The following CYP39A1 variants were observed in gnomAD, a reference collection of about 807,000 sequenced individuals.
CYP39A1 encodes the protein 24-hydroxycholesterol 7-alpha-hydroxylase.
In CYP39A1, 49 loss-of-function variants were observed where a neutral mutation model predicts 58.1. The observed-to-expected ratio is 0.84, with a 90% CI of 0.67 to 1.07. The LOEUF is 1.07. Among genes scored for constraint, CYP39A1 ranks in the 50% least tolerant of loss-of-function variants. The pLI is 0.00. For synonymous variants in CYP39A1, 209 were observed against 187.6 expected (o/e 1.11, Z -0.93); for missense variants, 531 against 539.4 (o/e 0.98, Z 0.16).
chr6:46,650,133 C>CACACACAT (rs1233753722), intron 1 of CYP39A1, among the ~76,000 whole-genome samples: 1 of 151,924 alleles, frequency 6.6e-6, no homozygotes, highest in Non-Finnish European at 1.5e-5. Flanking sequence ...CACACACACA[C>CACACACAT]ACACACATAC....
intron 1 of CYP39A1, among the ~76,000 whole-genome samples, chr6:46,648,145 A>T (rs1309957039): frequency 4.6e-5 from 7 of 152,148 alleles, no homozygotes; most frequent in Admixed American, 4.6e-4. Context: ...CATTTGACCC[A>T]GCCATCCCAT....
At chr6:46,578,483 GA>G (rs1239878590) in intron 10 of CYP39A1, among the ~76,000 whole-genome samples, 1 of 151,320 alleles carries the variant, frequency 6.6e-6, no homozygotes, top group Admixed American at 6.6e-5. Context: ...AAAAGATTAA[GA>G]AAACCAAAAC....
intron 7 of CYP39A1, among the ~76,000 whole-genome samples, chr6:46,612,805 G>A (rs1236543506): frequency 6.6e-6 from 1 of 152,188 alleles, no homozygotes; most frequent in African/African-American, 2.4e-5. Flanking sequence ...CGCACAAGGG[G>A]CCAAGAATCT....
At chr6:46,601,112 C>G (rs1773467851) in intron 7 of CYP39A1, among the ~76,000 whole-genome samples, 1 of 152,180 alleles carries the variant, frequency 6.6e-6, no homozygotes, top group Admixed American at 6.5e-5. Flanking sequence ...GTGTGGAAAA[C>G]CCACACATTT....
chr6:46,614,620 G>A (rs1190271076), intron 7 of CYP39A1, among the ~76,000 whole-genome samples: 13 of 152,062 alleles, frequency 8.5e-5, no homozygotes, highest in Admixed American at 6.6e-5. Flanking sequence ...TTTCCTGATA[G>A]CTGACTTTGT....
intron 7 of CYP39A1, among the ~76,000 whole-genome samples, chr6:46,602,199 G>T (rs945734605): frequency 5.3e-5 from 8 of 152,168 alleles, no homozygotes; most frequent in African/African-American, 1.9e-4. Flanking sequence ...ATGGTGGAAG[G>T]TGAGGTTAAT....
chr6:46,637,859 T>C lies in CYP39A1; in HGVS notation c.608A>G (p.Tyr203Cys), dbSNP rs745892822. Residue 203 changes from tyrosine to cysteine, a missense_variant, in exon 4 of 12, where the codon TAT becomes TGT. Coordinates refer to ENST00000275016, the MANE Select transcript of CYP39A1 (RefSeq NM_016593.5). Reference protein sequence around the residue: ...YFQVYDEDFEYGSQLPECLLR... With the variant: ...YFQVYDEDFECGSQLPECLLR... ...AAGACACTCTGGCAACTGGGACCCA[T>C]ACTCAAAATCTTCATCATAAACTTG... The C allele has an allele frequency of 1.9e-6, 3 of 1,612,448 alleles. No homozygotes were observed. The highest frequency in any genetic ancestry group is 1.7e-5 in the Admixed American group (1 of 59,630).
At chr6:46,641,167 T>C (rs1776313661) in intron 2 of CYP39A1, among the ~76,000 whole-genome samples, 1 of 152,072 alleles carries the variant, frequency 6.6e-6, no homozygotes, top group Admixed American at 6.6e-5. Flanking sequence ...AAAAACTCAA[T>C]CATTTCCATA....
At chr6:46,560,932 AT>A (rs1770940179) in intron 10 of CYP39A1, among the ~76,000 whole-genome samples, 1 of 152,144 alleles carries the variant, frequency 6.6e-6, no homozygotes, top group South Asian at 2.1e-4. Context: ...AAAGTGTTTC[AT>A]GGAAGGTGTG....
intron 1 of CYP39A1, 121 bp from the exon 2 acceptor site, chr6:46,642,419 T>C (rs1302359428): frequency 1.1e-6 from 1 of 929,030 alleles, no homozygotes; most frequent in Non-Finnish European, 1.6e-6. Context: ...TGATTATATT[T>C]GGCAATTAGT....
At chr6:46,609,314 A>G (rs1403270840) in intron 7 of CYP39A1, among the ~76,000 whole-genome samples, 2 of 151,892 alleles carry the variant, frequency 1.3e-5, no homozygotes, top group East Asian at 1.9e-4. Context: ...GAGGCAAGAG[A>G]ATGGCGTGAA....
intron 7 of CYP39A1, among the ~76,000 whole-genome samples, chr6:46,617,589 G>A (rs1468389660): frequency 6.6e-6 from 1 of 152,048 alleles, no homozygotes; most frequent in Non-Finnish European, 1.5e-5. Flanking sequence ...CATAATTCAG[G>A]GATTCTAAGT....
At chr6:46,616,524 T>G (rs957599030) in intron 7 of CYP39A1, among the ~76,000 whole-genome samples, 4 of 151,982 alleles carry the variant, frequency 2.6e-5, no homozygotes, top group African/African-American at 9.7e-5. Flanking sequence ...TGAGCCATCA[T>G]GCCCACCCAT....
At chr6:46,641,022 ATCTTCTG>A (rs1776303342) in intron 2 of CYP39A1, among the ~76,000 whole-genome samples, 2 of 151,866 alleles carry the variant, frequency 1.3e-5, no homozygotes, top group Non-Finnish European at 2.9e-5. Context: ...GCTACTATAC[ATCTTCTG>A]TATGTATAGT....
intron 3 of CYP39A1, among the ~76,000 whole-genome samples, chr6:46,638,534 A>G (rs574473362): frequency 6.6e-6 from 1 of 152,218 alleles, no homozygotes; most frequent in Non-Finnish European, 1.5e-5. Flanking sequence ...TATTGTTAAC[A>G]TGCCTTAAAA....
Position 46,582,332 on chromosome 6 carries a change from A to G in CYP39A1, c.1250+4745T>C, listed in dbSNP as rs1772176133. 2.0e-5 allele frequency among the ~76,000 whole-genome samples: 3 copies of G among 152,198 alleles called. No homozygotes were observed. The South Asian group carries it at 6.2e-4, about 32-fold the overall frequency. ...CTACTAATAACACTTCTCAAATACA[A>G]GAGTGTGCAGATACTTTACTATATA... On this transcript the variant is annotated intron_variant, in intron 10 of 11. Transcript: ENST00000275016.
At chr6:46,639,719 C>T (rs1339017056) in intron 2 of CYP39A1, 51 bp from the exon 3 acceptor site, 1 of 1,472,844 alleles carries the variant, frequency 6.8e-7, no homozygotes, top group Non-Finnish European at 9.3e-7. Flanking sequence ...CCTTGAAACA[C>T]ACAGTCAATA....
At chr6:46,645,620 C>T (rs753142311) in intron 1 of CYP39A1, among the ~76,000 whole-genome samples, 11 of 152,040 alleles carry the variant, frequency 7.2e-5, no homozygotes, top group Non-Finnish European at 1.5e-4. Context: ...TCATTCTATT[C>T]TACTTTTTCA....
At chr6:46,650,351 C>T (rs909443021) in intron 1 of CYP39A1, among the ~76,000 whole-genome samples, 1 of 144,036 alleles carries the variant, frequency 6.9e-6, no homozygotes, top group Non-Finnish European at 1.5e-5. Flanking sequence ...TGATTTGAAT[C>T]TCCCCTGGCA....
Sources: gnomAD v4.1 joint callset for allele counts (sites outside exome capture counted in the v4.1 genomes callset) on GRCh38, gnomAD v4.1.1 for gene constraint, MANE v1.5 for transcripts, NCBI Gene and HGNC (gene_info 2026-07-23, HGNC 2026-07-21) for gene names.